The following EFL1 variants were observed in gnomAD, a reference collection of about 807,000 sequenced individuals.
EFL1 encodes the protein elongation factor-like GTPase 1.
In EFL1, 76 loss-of-function variants were observed where a neutral mutation model predicts 126.7. The observed-to-expected ratio is 0.60, with a 90% CI of 0.50 to 0.73. The LOEUF (loss-of-function observed/expected upper bound fraction) is 0.73, where lower values mean the gene tolerates loss of function less well. Ranked by LOEUF, EFL1 falls within the 30% of genes least tolerant of loss-of-function variation. The pLI, the probability that EFL1 is intolerant of heterozygous loss-of-function variation, is 0.00. For synonymous variants in EFL1, 410 were observed against 448.4 expected, an observed-to-expected ratio of 0.91 and a Z score of 1.08; for missense variants, 1,128 against 1,343.2, an observed-to-expected ratio of 0.84 and a Z score of 2.50.
chr15:82,144,823 T>C (rs574454192), intron 18 of EFL1, among the ~76,000 whole-genome samples: 1 of 151,710 alleles, frequency 6.6e-6, no homozygotes, highest in East Asian at 1.9e-4. Flanking sequence ...TGAAACCCTG[T>C]CTCTACTAAA....
intron 4 of EFL1, among the ~76,000 whole-genome samples, chr15:82,252,183 T>C (rs111850937): frequency 3.3e-5 from 5 of 152,238 alleles, no homozygotes. Flanking sequence ...CAGGTTGTTG[T>C]TATTTTTTTC....
chr15:82,245,071 T>C (rs1462557369), intron 4 of EFL1, among the ~76,000 whole-genome samples: 2 of 152,162 alleles, frequency 1.3e-5, no homozygotes, highest in African/African-American at 4.8e-5. Context: ...TATGAACTTC[T>C]AACAATTATA....
At chr15:82,240,622 G>T (rs3759800) in intron 5 of EFL1, 67 bp from the exon 6 acceptor site, 712,570 of 1,575,082 alleles carry the variant, frequency 0.45, 163,650 homozygotes, top group African/African-American at 0.52. Flanking sequence ...TTAGAAAATC[G>T]TGATTAATAA....
intron 3 of EFL1, among the ~76,000 whole-genome samples, chr15:82,257,773 G>C (rs890599393): frequency 1.3e-5 from 2 of 152,112 alleles, no homozygotes; most frequent in African/African-American, 2.4e-5. Flanking sequence ...GTTTACATTA[G>C]GGTTCACTCT....
chr15:82,240,322 T>C, intron 6 of EFL1, 96 bp downstream of exon 6: 2 of 1,234,254 alleles, frequency 1.6e-6, no homozygotes, highest in South Asian at 3.2e-5. Context: ...AGTGGAAAAG[T>C]TCCCTTTTCT....
At chr15:82,196,780 T>G (rs2074412177) in intron 15 of EFL1, among the ~76,000 whole-genome samples, 1 of 152,222 alleles carries the variant, frequency 6.6e-6, no homozygotes, top group African/African-American at 2.4e-5. Context: ...TCGCCTGTAA[T>G]CCCAGCACTT....
intron 3 of EFL1, among the ~76,000 whole-genome samples, chr15:82,253,961 T>C (rs752803282): frequency 1.2e-4 from 19 of 152,194 alleles, no homozygotes; most frequent in Non-Finnish European, 1.9e-4. Context: ...GTCAAACTTT[T>C]GAAAAATTCT....
chr15:82,147,319 G>C (rs1156917353), intron 18 of EFL1, among the ~76,000 whole-genome samples: 1 of 152,110 alleles, frequency 6.6e-6, no homozygotes, highest in Non-Finnish European at 1.5e-5. Flanking sequence ...AGACCTATGC[G>C]GGCCCTGGAC....
At chr15:82,212,407 C>A (rs963930701) in intron 15 of EFL1, among the ~76,000 whole-genome samples, 1 of 152,244 alleles carries the variant, frequency 6.6e-6, no homozygotes, top group African/African-American at 2.4e-5. Context: ...GGTTACATAA[C>A]TGGCCTGAGG....
rs1479950462 is a variant in EFL1, at chr15:82,138,779, C to A, written c.3053G>T (p.Gly1018Val). The A allele has an allele frequency of 6.2e-7, 1 of 1,613,954 alleles. No homozygotes were observed. The highest frequency in any genetic ancestry group is 1.1e-5 in the South Asian group (1 of 91,066). ...GRVLQEEMKE[G>V]TDMFIIKAVL... ...AGCCTTGATGATGAACATGTCTGTC[C>A]CTTCTTTCATTTCTTCTTGAAGTAC... The change falls in exon 19 of 20, where the codon GGG (glycine) becomes GTG (valine). Residue 1018 changes from glycine to valine, a missense_variant. By Grantham distance (109) the Gly-to-Val change is moderately radical. Coordinates refer to ENST00000268206, the MANE Select transcript of EFL1 (RefSeq NM_024580.6).
At chr15:82,134,215 G>C (rs992450251) in intron 19 of EFL1, among the ~76,000 whole-genome samples, 10 of 152,160 alleles carry the variant, frequency 6.6e-5, no homozygotes, top group African/African-American at 2.4e-4. Flanking sequence ...GAGAACAGGG[G>C]AGATGGAGTA....
intron 15 of EFL1, among the ~76,000 whole-genome samples, chr15:82,175,492 A>T (rs528285930): frequency 6.6e-6 from 1 of 152,314 alleles, no homozygotes; most frequent in Admixed American, 6.5e-5. Context: ...AAATAACCAG[A>T]ACTACAGGTT....
At chr15:82,146,431 C>T (rs1232178255) in intron 18 of EFL1, among the ~76,000 whole-genome samples, 1 of 151,892 alleles carries the variant, frequency 6.6e-6, no homozygotes, top group Non-Finnish European at 1.5e-5. Context: ...CATTTCTTTC[C>T]AATTGAAGGT....
intron 12 of EFL1, among the ~76,000 whole-genome samples, chr15:82,223,869 TATTC>T (rs970455211): frequency 6.6e-6 from 1 of 152,202 alleles, no homozygotes; most frequent in African/African-American, 2.4e-5. Context: ...CCCATTTGGA[TATTC>T]ACTCATTCAT....
rs112604602 is a variant in EFL1, at chr15:82,132,756, A to G, written c.3175-2195T>C. 8.6e-3 allele frequency among the ~76,000 whole-genome samples: 718 copies of G among 83,558 alleles called. 6 individuals are homozygous for G. Among genetic ancestry groups the G allele is most frequent in the Non-Finnish European group, 0.017 (465 of 27,028 alleles). 54.8% of individuals were successfully genotyped at this position (83,558 alleles called of 152,430 possible). A position where few individuals can be genotyped will look rare whatever the true frequency, so the allele number is the denominator to read the frequency against. Reference sequence around the variant, plus strand: ...ATTTAGACGAGAAACGGCAGTTAAGAAGGAGGAGTGGGGAGGAAGCTCAGT... The same window carrying G: ...ATTTAGACGAGAAACGGCAGTTAAGGAGGAGGAGTGGGGAGGAAGCTCAGT... On this transcript the variant is annotated intron_variant, in intron 19 of 19. Transcript: ENST00000268206.
At chr15:82,203,859 T>C (rs1380110992) in intron 15 of EFL1, among the ~76,000 whole-genome samples, 2 of 152,256 alleles carry the variant, frequency 1.3e-5, no homozygotes, top group African/African-American at 4.8e-5. Flanking sequence ...ATTTAGGGTG[T>C]GTCCCTTTTT....
intron 15 of EFL1, among the ~76,000 whole-genome samples, chr15:82,200,362 TAAC>T (rs2074454138): frequency 6.6e-6 from 1 of 152,096 alleles, no homozygotes; most frequent in African/African-American, 2.4e-5. Flanking sequence ...CTATACAAAA[TAAC>T]AACTTTAGGC....
chr15:82,220,406 T>C (rs1445107884), intron 12 of EFL1, among the ~76,000 whole-genome samples, 177 bp from the exon 13 acceptor site: 1 of 152,182 alleles, frequency 6.6e-6, no homozygotes, highest in East Asian at 1.9e-4. Flanking sequence ...TCTCTAATAA[T>C]GCTGTGTCCC....
intron 15 of EFL1, among the ~76,000 whole-genome samples, chr15:82,182,836 A>AG (rs1567053936): frequency 6.6e-6 from 1 of 151,478 alleles, no homozygotes; most frequent in African/African-American, 2.4e-5. Context: ...AAAAAAAAAA[A>AG]GAATCATATT....
Sources: allele counts gnomAD v4.1 joint callset (sites outside exome capture counted in the v4.1 genomes callset), GRCh38; gene constraint gnomAD v4.1.1; transcripts MANE v1.5; gene names NCBI Gene and HGNC (gene_info 2026-07-23, HGNC 2026-07-21).